Variants in SH3GL2 observed in about 807,000 individuals in gnomAD.
SH3GL2 encodes the protein endophilin-A1.
In SH3GL2, 24 loss-of-function variants were observed where a neutral mutation model predicts 46.0. The ratio of observed to expected loss-of-function variants is 0.52; its 90% confidence interval spans 0.38 to 0.73. SH3GL2 has a LOEUF of 0.73. SH3GL2 is among the 30% of genes least tolerant of loss of function. The pLI is 0.00. For synonymous variants in SH3GL2, 196 were observed against 147.1 expected (o/e 1.33, Z -2.40); for missense variants, 413 against 424.2 (o/e 0.97, Z 0.23).
At chr9:17,726,936 A>G (rs1822036004) in intron 1 of SH3GL2, among the ~76,000 whole-genome samples, 1 of 152,196 alleles carries the variant, frequency 6.6e-6, no homozygotes, top group Non-Finnish European at 1.5e-5. Context: ...CACACTAGAC[A>G]CAGTAATTAT....
At chr9:17,746,334 C>A (rs922848645) in intron 1 of SH3GL2, among the ~76,000 whole-genome samples, 1 of 152,146 alleles carries the variant, frequency 6.6e-6, no homozygotes, top group Non-Finnish European at 1.5e-5. Context: ...CCTCGGCCTC[C>A]CAAAGTGCTG....
chr9:17,738,617 C>T (rs1278455504), intron 1 of SH3GL2, among the ~76,000 whole-genome samples: 1 of 43,320 alleles, frequency 2.3e-5, no homozygotes, highest in Non-Finnish European at 4.7e-5. Flanking sequence ...GGAATTGCCT[C>T]ATGTGATTTT....
chr9:17,735,533 C>A (rs146228750), intron 1 of SH3GL2, among the ~76,000 whole-genome samples: 1 of 151,652 alleles, frequency 6.6e-6, no homozygotes, highest in East Asian at 1.9e-4. Flanking sequence ...TTCAACCAAA[C>A]GTGGGTGGAA....
intron 1 of SH3GL2, among the ~76,000 whole-genome samples, chr9:17,737,325 C>T (rs1033518491): frequency 1.3e-5 from 2 of 151,686 alleles, no homozygotes; most frequent in African/African-American, 4.8e-5. Flanking sequence ...ATGTTCTGCA[C>T]ATGTATCCCA....
At chr9:17,765,730 C>T (rs1823300501) in intron 3 of SH3GL2, among the ~76,000 whole-genome samples, 1 of 152,182 alleles carries the variant, frequency 6.6e-6, no homozygotes, top group African/African-American at 2.4e-5. Context: ...TCCCCTGTCA[C>T]TGTCCCTCTT....
intron 5 of SH3GL2, 21 bp from the exon 6 acceptor site, chr9:17,789,371 T>C: frequency 5.6e-6 from 9 of 1,610,422 alleles, no homozygotes; most frequent in Non-Finnish European, 7.6e-6. Flanking sequence ...CAAAGCCTAT[T>C]CCTGCCCTTG....
At chr9:17,678,478 G>A (rs1470565467) in intron 1 of SH3GL2, among the ~76,000 whole-genome samples, 2 of 152,056 alleles carry the variant, frequency 1.3e-5, no homozygotes, top group East Asian at 1.9e-4. Flanking sequence ...TTTTTGATGG[G>A]GTTGTTTTTT....
At chr9:17,603,221 G>T (rs1262502788) in intron 1 of SH3GL2, among the ~76,000 whole-genome samples, 3 of 152,160 alleles carry the variant, frequency 2.0e-5, no homozygotes, top group Non-Finnish European at 2.9e-5. Flanking sequence ...AGCATTATTT[G>T]TATGCCAATG....
chr9:17,680,595 G>A (rs1820741961), intron 1 of SH3GL2, among the ~76,000 whole-genome samples: 1 of 150,568 alleles, frequency 6.6e-6, no homozygotes, highest in Non-Finnish European at 1.5e-5. Flanking sequence ...TGGATTCATT[G>A]ATTTTTTGAA....
intron 1 of SH3GL2, among the ~76,000 whole-genome samples, chr9:17,724,945 G>C (rs1821985418): frequency 6.6e-6 from 1 of 152,002 alleles, no homozygotes; most frequent in Non-Finnish European, 1.5e-5. Flanking sequence ...TCACGGTTCA[G>C]GGAATTTATA....
At chr9:17,739,616 T>C (rs1227474529) in intron 1 of SH3GL2, among the ~76,000 whole-genome samples, 2 of 16,536 alleles carry the variant, frequency 1.2e-4, no homozygotes, top group African/African-American at 1.2e-3. Context: ...AATAGAGAAA[T>C]GCCAGTTAAT....
chr9:17,773,422 C>G (rs1028481489), intron 3 of SH3GL2, among the ~76,000 whole-genome samples: 1 of 152,110 alleles, frequency 6.6e-6, no homozygotes, highest in African/African-American at 2.4e-5. Flanking sequence ...GTGTTTTCTT[C>G]TAAGAGTTCT....
intron 1 of SH3GL2, among the ~76,000 whole-genome samples, chr9:17,632,160 G>A (rs924658824): frequency 1.3e-5 from 2 of 152,032 alleles, no homozygotes; most frequent in Admixed American, 6.6e-5. Flanking sequence ...TTAATGCTGG[G>A]TTAAAATTGT....
At chr9:17,738,920 T>G (rs74478049) in intron 1 of SH3GL2, among the ~76,000 whole-genome samples, 58 of 152,214 alleles carry the variant, frequency 3.8e-4, no homozygotes, top group African/African-American at 1.4e-3. Flanking sequence ...ATGTTAACCA[T>G]TTTCACAAAA....
rs902404464 is a variant in SH3GL2 at position 17,619,916 on chromosome 9, G to T, written c.45+40629G>T. 7.9e-5 allele frequency among the ~76,000 whole-genome samples: 12 copies of T among 152,176 alleles called. 1 individual carries two copies. The South Asian group carries it at 2.5e-3, about 32-fold the overall frequency. On this transcript the variant is annotated intron_variant, in intron 1 of 8. Transcript: ENST00000380607. Reference sequence around the variant, plus strand: ...GTTTATTCTCTCATTAGAATTCATTGTCATCAGCCTGGAGTGTTAAATGCT... The same window carrying T: ...GTTTATTCTCTCATTAGAATTCATTTTCATCAGCCTGGAGTGTTAAATGCT...
intron 1 of SH3GL2, among the ~76,000 whole-genome samples, chr9:17,708,076 T>C (rs560645234): frequency 1.3e-5 from 2 of 152,172 alleles, no homozygotes; most frequent in Non-Finnish European, 2.9e-5. Context: ...TGAATAGTTT[T>C]TGATTCAGTG....
intron 1 of SH3GL2, 132 bp from the exon 2 acceptor site, chr9:17,746,934 A>C: frequency 1.6e-6 from 1 of 624,190 alleles, no homozygotes; most frequent in East Asian, 2.8e-5. Flanking sequence ...TATAAAAATG[A>C]GACTCTCCAC....
chr9:17,622,976 G>GTTTCCTTTCA (rs1554631073), intron 1 of SH3GL2, among the ~76,000 whole-genome samples: 3 of 78,712 alleles, frequency 3.8e-5, no homozygotes, highest in Non-Finnish European at 8.6e-5. Flanking sequence ...TTTTCCTTTC[G>GTTTCCTTTCA]TTTCCTTTCG....
chr9:17,716,033 A>C (rs1299229187), intron 1 of SH3GL2, among the ~76,000 whole-genome samples: 1 of 152,084 alleles, frequency 6.6e-6, no homozygotes, highest in Non-Finnish European at 1.5e-5. Flanking sequence ...TCTTAAGTTG[A>C]ACTATCATAA....
Sources: allele counts gnomAD v4.1 joint callset (sites outside exome capture counted in the v4.1 genomes callset), GRCh38; gene constraint gnomAD v4.1.1; transcripts MANE v1.5; gene names NCBI Gene and HGNC (gene_info 2026-07-23, HGNC 2026-07-21).